TYW3: variants seen among roughly 807,000 people sequenced by gnomAD.
TYW3 encodes the protein tRNA-yW synthesizing protein 3 homolog, also known as tRNA wybutosine-synthesizing protein 3 homolog.
TYW3 carries 26 observed loss-of-function variants against 23.1 expected under a neutral mutation model. The observed-to-expected ratio is 1.13, with a 90% CI of 0.83 to 1.56. TYW3 has a LOEUF of 1.56. Ranked by LOEUF, TYW3 falls within the 40% of genes most tolerant of loss-of-function variation. TYW3 has a pLI of 0.00. For synonymous variants in TYW3, 102 were observed against 105.7 expected (o/e 0.97, Z 0.21); for missense variants, 316 against 311.9 (o/e 1.01, Z -0.10).
At chr1:74,733,702 A>C (rs1039730547) in intron 1 of TYW3, among the ~76,000 whole-genome samples, 1 of 152,210 alleles carries the variant, frequency 6.6e-6, no homozygotes, top group African/African-American at 2.4e-5. Context: ...ATGATGTTGA[A>C]ACTGCTGACC....
At chr1:74,752,047 A>G (rs1160421506) in intron 4 of TYW3, among the ~76,000 whole-genome samples, 2 of 152,238 alleles carry the variant, frequency 1.3e-5, no homozygotes, top group African/African-American at 4.8e-5. Context: ...CTTTGATATC[A>G]TCTGTTTCTC....
At position 74,747,086 on chromosome 1, in the gene TYW3, G is replaced by A. The variant is rs1354444537; in HGVS notation, c.355-1665G>A. On this transcript the variant is annotated intron_variant, in intron 3 of 5. Coordinates refer to ENST00000370867, the MANE Select transcript of TYW3 (RefSeq NM_138467.3). ...AGAGCTTGGATTCTGTCACTAGCTA[G>A]TCTGTAAGAATGGTTTGAAGGGGCA... Among the ~76,000 whole-genome samples, 5 of 152,184 alleles carry A rather than the reference G, an allele frequency of 3.3e-5. No homozygotes were observed. In the East Asian group the frequency reaches 9.6e-4, roughly 29 times the overall value.
At chr1:74,738,052 T>C (rs780619211) in intron 2 of TYW3, among the ~76,000 whole-genome samples, 5 of 151,890 alleles carry the variant, frequency 3.3e-5, no homozygotes, top group Non-Finnish European at 7.4e-5. Flanking sequence ...AGCTGAGCAG[T>C]TCCAAGGTTC....
chr1:74,755,412 A>G (rs1254026306), intron 5 of TYW3, among the ~76,000 whole-genome samples: 1 of 152,224 alleles, frequency 6.6e-6, no homozygotes, highest in Non-Finnish European at 1.5e-5. Context: ...TAGGTAATTC[A>G]TCTAAGTGGG....
intron 3 of TYW3, among the ~76,000 whole-genome samples, chr1:74,747,389 G>C (rs950863370): frequency 1.3e-5 from 2 of 152,058 alleles, no homozygotes; most frequent in Non-Finnish European, 2.9e-5. Flanking sequence ...TGTAATCCCA[G>C]CACTTTGGGA....
chr1:74,745,268 C>T (rs1323222566), intron 3 of TYW3, among the ~76,000 whole-genome samples: 5 of 152,216 alleles, frequency 3.3e-5, no homozygotes, highest in African/African-American at 9.6e-5. Flanking sequence ...GCTTCCACAG[C>T]TTGGAAGGGG....
chr1:74,742,923 A>G (rs1648414408), intron 3 of TYW3, among the ~76,000 whole-genome samples: 1 of 152,194 alleles, frequency 6.6e-6, no homozygotes, highest in Non-Finnish European at 1.5e-5. Context: ...ACACTGAGAA[A>G]GCCACACCAG....
intron 3 of TYW3, among the ~76,000 whole-genome samples, chr1:74,740,758 A>G (rs1648324836): frequency 6.6e-6 from 1 of 152,180 alleles, no homozygotes; most frequent in South Asian, 2.1e-4. Flanking sequence ...ATTTTTACAG[A>G]GTGCTGATTG....
intron 3 of TYW3, chr1:74,748,550 A>G: frequency 5.3e-5 from 24 of 455,918 alleles, no homozygotes; most frequent in East Asian, 9.3e-5. Flanking sequence ...ACACATCCAT[A>G]GTTCATATTT....
chr1:74,766,352 G>C lies in TYW3; in HGVS notation c.*2239G>C, dbSNP rs1270725549. Reference sequence around the variant, plus strand: ...TTATCATAGAAGGTGACAGCTTCATGTGTGTTATTGCCCCTGAAGACCTTC... The same window carrying C: ...TTATCATAGAAGGTGACAGCTTCATCTGTGTTATTGCCCCTGAAGACCTTC... On this transcript the variant is annotated 3_prime_UTR_variant, in exon 6 of 6. Coordinates refer to ENST00000370867, the MANE Select transcript of TYW3 (RefSeq NM_138467.3). 1 of 152,120 alleles carries C rather than the reference G, an allele frequency of 6.6e-6. No homozygotes were observed. The allele number at this position is 152,120 out of a possible 1,614,324, so 9.4% of individuals were successfully genotyped here. A position where few individuals can be genotyped will look rare whatever the true frequency, so the allele number is the denominator to read the frequency against.
chr1:74,765,705 A>AAAT lies in TYW3; in HGVS notation c.*1593_*1595dup, dbSNP rs1337199385. 2.6e-5 allele frequency: 4 copies of AAAT among 152,178 alleles called. No individual in the cohort carries two copies. Among genetic ancestry groups the AAAT allele is most frequent in the Admixed American group, 6.6e-5 (1 of 15,258 alleles). The allele number at this position is 152,178 out of a possible 1,614,324, so 9.4% of individuals were successfully genotyped here. ...GGTGGAACGAGCCTATCCTGTGGTG[A>AAAT]AATGACAACACATTCTGCAGTTTTA... On this transcript the variant is annotated 3_prime_UTR_variant, in exon 6 of 6. Transcript: ENST00000370867.
intron 3 of TYW3, among the ~76,000 whole-genome samples, chr1:74,746,582 C>A (rs1388281951): frequency 6.6e-6 from 1 of 152,158 alleles, no homozygotes; most frequent in Non-Finnish European, 1.5e-5. Context: ...TCATTCACAG[C>A]CCCTTTTTGA....
chr1:74,741,015 C>T (rs1648337233), intron 3 of TYW3, among the ~76,000 whole-genome samples: 1 of 152,140 alleles, frequency 6.6e-6, no homozygotes, highest in Non-Finnish European at 1.5e-5. Flanking sequence ...AGGGGCCCTG[C>T]AGTTGTAGTG....
intron 1 of TYW3, among the ~76,000 whole-genome samples, chr1:74,734,588 G>C (rs889006696): frequency 1.5e-4 from 23 of 152,110 alleles, no homozygotes; most frequent in African/African-American, 5.6e-4. Flanking sequence ...AAGTGAAGAA[G>C]GAAAAAGAAA....
chr1:74,738,813 T>G, intron 3 of TYW3, 25 bp downstream of exon 3: 1 of 1,568,892 alleles, frequency 6.4e-7, no homozygotes, highest in Non-Finnish European at 8.8e-7. Context: ...TAATTGTACT[T>G]GAATTTATAG....
At position 74,765,792 on chromosome 1, in the gene TYW3, T is replaced by C. The variant is rs1385004278; in HGVS notation, c.*1679T>C. ...TAAATTGATCTCCAAGAAAACTATG[T>C]ATTTTAAAGATTCCATAAACTGAAT... On this transcript the variant is annotated 3_prime_UTR_variant, in exon 6 of 6. Transcript: ENST00000370867. 4 of 152,138 alleles carry C rather than the reference T, an allele frequency of 2.6e-5. No individual in the cohort carries two copies. The highest frequency in any genetic ancestry group is 9.7e-5 in the African/African-American group (4 of 41,434). The allele number at this position is 152,138 out of a possible 1,614,324, so 9.4% of individuals were successfully genotyped here.
At chr1:74,738,607 G>T (rs1276929062) in intron 2 of TYW3, 83 bp from the exon 3 acceptor site, 2 of 852,576 alleles carry the variant, frequency 2.3e-6, no homozygotes, top group Non-Finnish European at 3.4e-6. Context: ...ATTTCTAAGA[G>T]AAATTGAAGT....
intron 4 of TYW3, chr1:74,750,079 C>A: frequency 6.6e-6 from 1 of 152,398 alleles, no homozygotes; most frequent in Non-Finnish European, 1.5e-5. Flanking sequence ...TTTCCATATT[C>A]AATTCGTTAT....
In TYW3 at chr1:74,744,040, A is replaced by C. The variant is rs542403089; in HGVS notation, c.355-4711A>C. Among the ~76,000 whole-genome samples the C allele has an allele frequency of 9.7e-4, 148 of 152,256 alleles. 1 individual carries two copies. The highest frequency in any genetic ancestry group is 3.3e-3 in the African/African-American group (139 of 41,550). On this transcript the variant is annotated intron_variant, in intron 3 of 5. Coordinates refer to ENST00000370867, the MANE Select transcript of TYW3 (RefSeq NM_138467.3). ...CCCGCTACAGCTTGAAGGGGACATA[A>C]CTGATAGCCCAGGCGTTTTTGTGGT... is the stretch of plus-strand genomic sequence containing the variant.
Sources: allele counts gnomAD v4.1 joint callset (sites outside exome capture counted in the v4.1 genomes callset), GRCh38; gene constraint gnomAD v4.1.1; transcripts MANE v1.5; gene names NCBI Gene and HGNC (gene_info 2026-07-23, HGNC 2026-07-21).